The following CEP170 variants were observed in gnomAD, a reference collection of about 807,000 sequenced individuals.
The protein encoded by CEP170 is centrosomal protein 170.
A neutral mutation model predicts 151.9 loss-of-function variants in CEP170; 21 were observed. The ratio of observed to expected loss-of-function variants is 0.14; its 90% confidence interval spans 0.10 to 0.20. The LOEUF is 0.20. Among genes scored for constraint, CEP170 ranks in the 10% least tolerant of loss-of-function variants. The pLI, the probability that CEP170 is intolerant of heterozygous loss-of-function variation, is 1.00. For missense variants in CEP170, 964 were observed against 1,892.9 expected, an observed-to-expected ratio of 0.51 and a Z score of 9.11; for synonymous variants, 356 against 648.8, an observed-to-expected ratio of 0.55 and a Z score of 6.86.
chr1:243,173,668 G>A (rs1401938167), intron 10 of CEP170, among the ~76,000 whole-genome samples: 4 of 151,220 alleles, frequency 2.6e-5, no homozygotes, highest in African/African-American at 9.7e-5. Context: ...CCCAGGAGGC[G>A]GAGGTTACAG....
At chr1:243,251,357 T>C (rs1191111843) in intron 1 of CEP170, among the ~76,000 whole-genome samples, 1 of 152,144 alleles carries the variant, frequency 6.6e-6, no homozygotes, top group African/African-American at 2.4e-5. Context: ...TTTAACTTAC[T>C]AAAAAAGATG....
intron 1 of CEP170, among the ~76,000 whole-genome samples, chr1:243,250,697 A>G (rs2065855691): frequency 6.6e-6 from 1 of 152,244 alleles, no homozygotes; most frequent in African/African-American, 2.4e-5. Flanking sequence ...TTAGAAAAGG[A>G]GAACAAAATC....
In CEP170 at chr1:243,186,330, T is replaced by G. The variant is rs764058735; in HGVS notation, c.1201A>C (p.Arg401=). Residue 401 remains arginine (R), a synonymous_variant, in exon 9 of 20, where the codon AGA becomes CGA. Transcript: ENST00000366542. ...TTTTTGTGTTCTGAATGGTGGCGTC[T>G]TAAGTGTTCCTCAAGAGTTGCACGT... is the stretch of plus-strand genomic sequence containing the variant. ...SKRATLEEHL[R]RHHSEHKKLQ... 1.5e-5 allele frequency: 25 copies of G among 1,613,666 alleles called. No individual in the cohort carries two copies. The highest frequency in any genetic ancestry group is 1.9e-5 in the Non-Finnish European group (22 of 1,179,710).
rs2066521423 is a variant in CEP170, at chr1:243,255,180, G to C, written c.-182C>G. The C allele has an allele frequency of 6.5e-6, 1 of 153,072 alleles. No individual in the cohort carries two copies. The highest frequency in any genetic ancestry group is 1.5e-5 in the Non-Finnish European group (1 of 68,434). 9.5% of individuals were successfully genotyped at this position (153,072 alleles called of 1,614,324 possible). Reference sequence around the variant, plus strand: ...TCGCTGCCGCTGCGGTCGAGCTCCGGGGCCCTCAGCTCCGCTGGGCAATAA... The same window carrying C: ...TCGCTGCCGCTGCGGTCGAGCTCCGCGGCCCTCAGCTCCGCTGGGCAATAA... On this transcript the variant is annotated 5_prime_UTR_variant, in exon 1 of 20. Transcript: ENST00000366542.
At chr1:243,245,007 C>T (rs1392782541) in intron 1 of CEP170, among the ~76,000 whole-genome samples, 1 of 151,936 alleles carries the variant, frequency 6.6e-6, no homozygotes, top group Non-Finnish European at 1.5e-5. Context: ...ATTTAAAAGG[C>T]AATGACAATC....
chr1:243,145,318 A>C (rs897283232), intron 14 of CEP170, among the ~76,000 whole-genome samples: 6 of 152,208 alleles, frequency 3.9e-5, no homozygotes, highest in African/African-American at 1.2e-4. Flanking sequence ...CTCTGTTGCC[A>C]GGTTGGAGTG....
Position 243,164,813 on chromosome 1 carries a change from A to C in CEP170, c.3147T>G (p.Cys1049Trp). Reference protein sequence around the residue: ...IMSSDQETYSCKPHGRTPLTS... With the variant: ...IMSSDQETYSWKPHGRTPLTS... ...TAAGTGGAGTCCGTCCATGAGGTTTACAAGAGTAAGTTTCTTGATCAGATG... is the reference window on the plus strand; with the variant it reads ...TAAGTGGAGTCCGTCCATGAGGTTTCCAAGAGTAAGTTTCTTGATCAGATG... The change falls in exon 13 of 20, where the codon TGT becomes TGG. Residue 1049 changes from cysteine (C) to tryptophan (W), a missense_variant. Transcript: ENST00000366542. 1 of 1,612,466 alleles carries C rather than the reference A, an allele frequency of 6.2e-7. No individual in the cohort carries two copies. The highest frequency in any genetic ancestry group is 8.5e-7 in the Non-Finnish European group (1 of 1,178,852).
At chr1:243,233,358 C>G (rs2063928973) in intron 1 of CEP170, among the ~76,000 whole-genome samples, 1 of 152,016 alleles carries the variant, frequency 6.6e-6, no homozygotes, top group Non-Finnish European at 1.5e-5. Context: ...AAACATGAAA[C>G]AAAGAAAAAC....
In CEP170 at chr1:243,254,773, AG is replaced by A. The variant is rs1026011916; in HGVS notation, c.-42+266del. On this transcript the variant is annotated intron_variant, in intron 1 of 19. Transcript: ENST00000366542. ...GGGCTCGGGAAAGCCGGGGGGCCGC[AG>A]GACTGGAGCTCCGGGGGGCGGCGGG... 5.8e-3 allele frequency among the ~76,000 whole-genome samples: 547 copies of A among 93,604 alleles called. 2 individuals carry two copies. The highest frequency in any genetic ancestry group is 0.021 in the African/African-American group (521 of 24,458). 61.4% of individuals were successfully genotyped at this position (93,604 alleles called of 152,430 possible). A position where few individuals can be genotyped will look rare whatever the true frequency, so the allele number is the denominator to read the frequency against.
intron 3 of CEP170, among the ~76,000 whole-genome samples, chr1:243,212,646 A>C (rs1243420834): frequency 3.3e-5 from 5 of 151,814 alleles, no homozygotes; most frequent in African/African-American, 1.2e-4. Flanking sequence ...AATAACCAAC[A>C]AAAAAATATT....
chr1:243,238,470 G>T (rs1234558049), intron 1 of CEP170, among the ~76,000 whole-genome samples: 1 of 151,330 alleles, frequency 6.6e-6, no homozygotes, highest in African/African-American at 2.4e-5. Context: ...AAAAAAAAAA[G>T]AATAGTGATA....
intron 10 of CEP170, among the ~76,000 whole-genome samples, chr1:243,182,772 G>C (rs570254651): frequency 6.6e-6 from 1 of 152,136 alleles, no homozygotes; most frequent in Non-Finnish European, 1.5e-5. Flanking sequence ...GATTAATTAC[G>C]TATGTTTCAC....
At chr1:243,148,739 A>G (rs2148388168) in intron 14 of CEP170, among the ~76,000 whole-genome samples, 1 of 152,298 alleles carries the variant, frequency 6.6e-6, no homozygotes, top group South Asian at 2.1e-4. Flanking sequence ...TACCAACTAT[A>G]AAGAAGGTTC....
chr1:243,167,284 C>T (rs887119586), intron 12 of CEP170, among the ~76,000 whole-genome samples: 1 of 151,636 alleles, frequency 6.6e-6, no homozygotes, highest in East Asian at 1.9e-4. Context: ...AAATCTATAG[C>T]CGATTAAAAG....
intron 13 of CEP170, among the ~76,000 whole-genome samples, chr1:243,160,275 C>T (rs2057959053): frequency 6.6e-6 from 1 of 152,084 alleles, no homozygotes; most frequent in Non-Finnish European, 1.5e-5. Context: ...ATTACTAAGG[C>T]ATTGGAAGGT....
chr1:243,226,030 T>G (rs2063210242), intron 1 of CEP170, among the ~76,000 whole-genome samples: 1 of 125,908 alleles, frequency 7.9e-6, no homozygotes, highest in Non-Finnish European at 1.7e-5. Flanking sequence ...CACACGTATA[T>G]ATATCTATCT....
At chr1:243,173,667 C>T (rs1385750299) in intron 10 of CEP170, among the ~76,000 whole-genome samples, 7 of 147,592 alleles carry the variant, frequency 4.7e-5, no homozygotes, top group East Asian at 4.1e-4. Flanking sequence ...ACCCAGGAGG[C>T]GGAGGTTACA....
intron 1 of CEP170, among the ~76,000 whole-genome samples, chr1:243,253,980 G>A (rs989667958): frequency 2.0e-5 from 3 of 152,062 alleles, no homozygotes; most frequent in African/African-American, 4.8e-5. Context: ...AAAAATAAAC[G>A]GAAAGATGTA....
intron 13 of CEP170, among the ~76,000 whole-genome samples, chr1:243,163,717 A>G (rs1430738385): frequency 6.6e-6 from 1 of 152,216 alleles, no homozygotes; most frequent in African/African-American, 2.4e-5. Context: ...CACCTGCTCC[A>G]ACTATAAACA....
Sources: allele counts gnomAD v4.1 joint callset (sites outside exome capture counted in the v4.1 genomes callset), GRCh38; gene constraint gnomAD v4.1.1; transcripts MANE v1.5; gene names NCBI Gene and HGNC (gene_info 2026-07-23, HGNC 2026-07-21).